REV3L: variants seen among roughly 807,000 people sequenced by gnomAD.
REV3L encodes REV3 like, DNA directed polymerase zeta catalytic subunit, also known as DNA polymerase zeta catalytic subunit.
A neutral mutation model predicts 299.4 loss-of-function variants in REV3L; 69 were observed. That is an observed-to-expected ratio of 0.23 (90% CI 0.19 to 0.28). The LOEUF is 0.28. Among genes scored for constraint, REV3L ranks in the 10% least tolerant of loss-of-function variants. REV3L has a pLI of 1.00. For synonymous variants in REV3L, 1,238 were observed against 1,271.4 expected (o/e 0.97, Z 0.56); for missense variants, 3,128 against 3,693.8 (o/e 0.85, Z 3.97).
At chr6:111,459,359 G>A (rs1398256795) in intron 1 of REV3L, among the ~76,000 whole-genome samples, 2 of 152,108 alleles carry the variant, frequency 1.3e-5, no homozygotes, top group South Asian at 2.1e-4. Flanking sequence ...TTCTTTTCTC[G>A]ACAACAGCCC....
intron 22 of REV3L, 50 bp downstream of exon 22, chr6:111,335,419 T>C (rs778162303): frequency 2.8e-5 from 43 of 1,563,108 alleles, no homozygotes; most frequent in Non-Finnish European, 3.6e-5. Flanking sequence ...ATCACAAAAG[T>C]GTATCACTCA....
At chr6:111,465,358 G>C (rs1384696565) in intron 1 of REV3L, among the ~76,000 whole-genome samples, 1 of 151,208 alleles carries the variant, frequency 6.6e-6, no homozygotes, top group African/African-American at 2.4e-5. Context: ...TGTGATTACA[G>C]GCATGAGCCA....
At chr6:111,349,363 AG>A (rs1777353918) in intron 19 of REV3L, 27 bp from the exon 20 acceptor site, 3 of 1,133,020 alleles carry the variant, frequency 2.6e-6, no homozygotes, top group Non-Finnish European at 3.9e-6. Flanking sequence ...AGACTGTATC[AG>A]GGCTCACAGA....
At chr6:111,403,514 C>G (rs1176176295) in intron 4 of REV3L, among the ~76,000 whole-genome samples, 2 of 152,234 alleles carry the variant, frequency 1.3e-5, no homozygotes, top group East Asian at 3.9e-4. Context: ...ATATTTCAAA[C>G]CTGTGAACAG....
rs182199219 is a variant in REV3L, at chr6:111,342,646, T to C, written c.7538+1279A>G. Among the ~76,000 whole-genome samples, 814 of 146,674 alleles carry C rather than the reference T, an allele frequency of 5.5e-3. 2 individuals are homozygous for C. Among genetic ancestry groups the C allele is most frequent in the Non-Finnish European group, 9.4e-3 (625 of 66,674 alleles). On this transcript the variant is annotated intron_variant, in intron 21 of 31. Coordinates refer to ENST00000368802, the MANE Select transcript of REV3L (RefSeq NM_001372078.1). ...CTGTGCCACTGCACTCCAGCCTGGG[T>C]GACAGAGCGAGACTCTGTCTCAAAA...
intron 15 of REV3L, among the ~76,000 whole-genome samples, 177 bp downstream of exon 15, chr6:111,365,088 T>A (rs462832): frequency 0.68 from 101,850 of 150,756 alleles, 36,431 homozygotes; most frequent in Non-Finnish European, 0.81. Flanking sequence ...GATCCCAACA[T>A]CAAAAAAAAA....
chr6:111,431,084 T>A, intron 1 of REV3L: 2 of 1,498,464 alleles, frequency 1.3e-6, no homozygotes, highest in Non-Finnish European at 1.9e-6. Context: ...TATGCAAATA[T>A]CAACAAGAAT....
intron 21 of REV3L, among the ~76,000 whole-genome samples, chr6:111,336,727 A>G (rs1418502540): frequency 6.6e-6 from 1 of 152,206 alleles, no homozygotes; most frequent in Non-Finnish European, 1.5e-5. Context: ...CTATATATCA[A>G]TGTTCATTAC....
At chr6:111,316,247 G>A (rs1773504823) in intron 26 of REV3L, among the ~76,000 whole-genome samples, 1 of 151,686 alleles carries the variant, frequency 6.6e-6, no homozygotes, top group Non-Finnish European at 1.5e-5. Context: ...AAAAGGTTGG[G>A]GACCACTGTG....
chr6:111,327,243 GA>G (rs1477968274), intron 25 of REV3L, among the ~76,000 whole-genome samples: 1 of 152,116 alleles, frequency 6.6e-6, no homozygotes, highest in East Asian at 1.9e-4. Flanking sequence ...AGGCAGGGAA[GA>G]AATTAGGGAA....
intron 1 of REV3L, among the ~76,000 whole-genome samples, chr6:111,469,055 A>C (rs1791864363): frequency 6.6e-6 from 1 of 152,078 alleles, no homozygotes; most frequent in African/African-American, 2.4e-5. Flanking sequence ...CCAGCTACTC[A>C]GGAGGCTGAG....
Position 111,417,920 on chromosome 6 carries a change from A to C in REV3L, c.140-1448T>G, listed in dbSNP as rs1784935948. Among the ~76,000 whole-genome samples, 7 of 152,346 alleles carry C rather than the reference A, an allele frequency of 4.6e-5. No individual in the cohort carries two copies. In the South Asian group the frequency reaches 1.4e-3, roughly 32 times the overall value. Reference sequence around the variant, plus strand: ...TGCTGTTATACAAATTTCAGTTTCCAGTTTGGCTATTTCATTTCTAAATAC... The same window carrying C: ...TGCTGTTATACAAATTTCAGTTTCCCGTTTGGCTATTTCATTTCTAAATAC... On this transcript the variant is annotated intron_variant, in intron 1 of 31. Coordinates refer to ENST00000368802, the MANE Select transcript of REV3L (RefSeq NM_001372078.1).
intron 22 of REV3L, among the ~76,000 whole-genome samples, chr6:111,333,570 G>A (rs999980570): frequency 6.6e-5 from 10 of 152,014 alleles, no homozygotes; most frequent in Non-Finnish European, 1.3e-4. Context: ...CGCCTCCCAG[G>A]TTCAAGCGAT....
chr6:111,381,230 AC>A (rs1582774544), intron 10 of REV3L, 94 bp downstream of exon 10: 2 of 1,252,014 alleles, frequency 1.6e-6, no homozygotes, highest in East Asian at 4.7e-5. Flanking sequence ...TGCAACATTT[AC>A]CTCTTCAAGT....
At chr6:111,311,469 T>C (rs1162355131) in intron 28 of REV3L, 2 of 388,632 alleles carry the variant, frequency 5.1e-6, no homozygotes, top group Non-Finnish European at 9.1e-6. Flanking sequence ...TAGAATATCA[T>C]GTAGTTTAAG....
chr6:111,308,579 A>G (rs928258469), intron 30 of REV3L, among the ~76,000 whole-genome samples: 5 of 152,242 alleles, frequency 3.3e-5, no homozygotes, highest in East Asian at 1.9e-4. Context: ...TTGAACCATC[A>G]TAAGTTGGGG....
chr6:111,381,133 T>C (rs1322004760), intron 10 of REV3L, among the ~76,000 whole-genome samples, 192 bp downstream of exon 10: 3 of 152,232 alleles, frequency 2.0e-5, no homozygotes, highest in African/African-American at 7.2e-5. Context: ...CTTTCACAAA[T>C]TTTTTTAAGC....
intron 19 of REV3L, among the ~76,000 whole-genome samples, chr6:111,350,566 A>C (rs1242145789): frequency 6.6e-6 from 1 of 151,458 alleles, no homozygotes; most frequent in Non-Finnish European, 1.5e-5. Flanking sequence ...CTAAACTTAA[A>C]GCATCTCTGC....
At chr6:111,335,653 T>G in intron 21 of REV3L, 43 bp from the exon 22 acceptor site, 1 of 1,576,542 alleles carries the variant, frequency 6.3e-7, no homozygotes, top group Non-Finnish European at 8.6e-7. Context: ...GGGAAAAATT[T>G]GGACACTTGA....
Sources: allele counts gnomAD v4.1 joint callset (sites outside exome capture counted in the v4.1 genomes callset), GRCh38; gene constraint gnomAD v4.1.1; transcripts MANE v1.5; gene names NCBI Gene and HGNC (gene_info 2026-07-23, HGNC 2026-07-21).